Variants in ST7 observed in about 807,000 individuals in gnomAD.
The protein encoded by ST7 is suppressor of tumorigenicity 7 protein.
ST7 carries 28 observed loss-of-function variants against 78.7 expected under a neutral mutation model. That is an observed-to-expected ratio of 0.36 (90% CI 0.26 to 0.49). The LOEUF (loss-of-function observed/expected upper bound fraction) is 0.49. ST7 is among the 20% of genes least tolerant of loss of function. The probability of loss-of-function intolerance (pLI) is 0.99; values close to 1 mark genes in which losing one functional copy is unlikely to be tolerated. For missense variants in ST7, 418 were observed against 696.0 expected, an observed-to-expected ratio of 0.60 and a Z score of 4.49; for synonymous variants, 247 against 249.6, an observed-to-expected ratio of 0.99 and a Z score of 0.10.
At chr7:117,188,306 A>G (rs541730247) in intron 10 of ST7, among the ~76,000 whole-genome samples, 1 of 152,238 alleles carries the variant, frequency 6.6e-6, no homozygotes, top group African/African-American at 2.4e-5. Flanking sequence ...TTGCAAAGAA[A>G]CTCGCAGGGC....
rs530811408 is a variant in ST7 at position 117,141,973 on chromosome 7, C to A, written c.963+3441C>A. On this transcript the variant is annotated intron_variant, in intron 9 of 15. Transcript: ENST00000323984. ...GCCTTGCATGCTGGCTTTTGAACAT[C>A]ACTGTAATGTAAGGTGTTATTTATT... Among the ~76,000 whole-genome samples the A allele has an allele frequency of 1.1e-3, 171 of 152,222 alleles. 1 individual carries two copies. Among genetic ancestry groups the A allele is most frequent in the African/African-American group, 4.0e-3 (165 of 41,548 alleles).
intron 1 of ST7, among the ~76,000 whole-genome samples, chr7:117,061,201 G>A (rs1035372940): frequency 5.9e-5 from 9 of 152,252 alleles, no homozygotes; most frequent in Admixed American, 3.9e-4. Context: ...ACAATTAAAA[G>A]GAGTTTTGGG....
chr7:117,130,815 T>C, intron 5 of ST7: 1 of 411,100 alleles, frequency 2.4e-6, no homozygotes. Flanking sequence ...CATAATAATT[T>C]GAATCATGAT....
chr7:117,057,995 G>A (rs571637033), intron 1 of ST7, among the ~76,000 whole-genome samples: 10 of 152,228 alleles, frequency 6.6e-5, no homozygotes, highest in Admixed American at 4.6e-4. Context: ...TGTTTCTTGT[G>A]TGGGGGCCAC....
At chr7:117,220,388 A>G (rs1276412410) in intron 14 of ST7, among the ~76,000 whole-genome samples, 1 of 152,236 alleles carries the variant, frequency 6.6e-6, no homozygotes, top group Non-Finnish European at 1.5e-5. Flanking sequence ...ATTTGATTTC[A>G]GAAATCCTCA....
intron 9 of ST7, among the ~76,000 whole-genome samples, chr7:117,139,787 A>G (rs946771791): frequency 3.3e-5 from 5 of 152,214 alleles, no homozygotes; most frequent in Non-Finnish European, 5.9e-5. Flanking sequence ...TATATGGTAT[A>G]AGTGCTAATT....
intron 9 of ST7, among the ~76,000 whole-genome samples, chr7:117,139,517 G>A (rs1308568208): frequency 6.6e-6 from 1 of 152,084 alleles, no homozygotes; most frequent in Non-Finnish European, 1.5e-5. Context: ...TTACTCTTTG[G>A]AGGAGGGAGC....
chr7:117,227,108 CT>C (rs1266683445), intron 15 of ST7, among the ~76,000 whole-genome samples: 3 of 152,194 alleles, frequency 2.0e-5, no homozygotes, highest in Non-Finnish European at 4.4e-5. Context: ...AAATAAAGGC[CT>C]TTATTTTAAG....
chr7:117,135,862 C>T (rs1227145812), intron 7 of ST7, among the ~76,000 whole-genome samples: 3 of 152,038 alleles, frequency 2.0e-5, no homozygotes, highest in African/African-American at 7.2e-5. Context: ...ACATGTGAGC[C>T]CCATGCTCTT....
intron 7 of ST7, among the ~76,000 whole-genome samples, chr7:117,134,542 C>T (rs1476636509): frequency 1.3e-5 from 2 of 152,014 alleles, no homozygotes; most frequent in African/African-American, 2.4e-5. Context: ...AGCAAGCAAG[C>T]TAGCCCCAAC....
chr7:117,089,099 T>G (rs1182008626), intron 1 of ST7, among the ~76,000 whole-genome samples: 1 of 152,258 alleles, frequency 6.6e-6, no homozygotes, highest in Non-Finnish European at 1.5e-5. Context: ...CATTCCTTTA[T>G]GCACACTCTG....
At chr7:117,075,631 C>T (rs566114668) in intron 1 of ST7, among the ~76,000 whole-genome samples, 1 of 152,248 alleles carries the variant, frequency 6.6e-6, no homozygotes, top group Non-Finnish European at 1.5e-5. Context: ...GAGGCCTGAA[C>T]CAGTGTGAAA....
In ST7 at chr7:117,202,905, G is replaced by T. The variant is rs540046124; in HGVS notation, c.1255-6882G>T. Among the ~76,000 whole-genome samples, 4 of 152,170 alleles carry T rather than the reference G, an allele frequency of 2.6e-5. No individual in the cohort carries two copies. In the South Asian group the frequency reaches 8.3e-4, roughly 32 times the overall value. On this transcript the variant is annotated intron_variant, in intron 12 of 15. Transcript: ENST00000323984. The stretch of plus-strand genomic sequence containing the variant: ...AGTATCTGCAGGGGATTGGTTCCAG[G>T]ACCCCTCACATATACCAAAATCTGC...
chr7:116,960,441 G>C (rs1032285674), intron 1 of ST7, among the ~76,000 whole-genome samples: 3 of 152,044 alleles, frequency 2.0e-5, no homozygotes, highest in African/African-American at 7.2e-5. Context: ...TGTCCCCCTC[G>C]GCCTCCCAGA....
chr7:116,989,275 C>T (rs1794321124), intron 1 of ST7, among the ~76,000 whole-genome samples: 1 of 152,198 alleles, frequency 6.6e-6, no homozygotes, highest in African/African-American at 2.4e-5. Flanking sequence ...TGCTCAGTAG[C>T]CATATGTAGC....
At chr7:117,129,686 G>GAAT (rs1229983896) in intron 3 of ST7, 107 bp from the exon 4 acceptor site, 6 of 874,776 alleles carry the variant, frequency 6.9e-6, no homozygotes, top group Non-Finnish European at 1.1e-5. Flanking sequence ...AAAGGGTAGT[G>GAAT]AATAGAATTA....
intron 1 of ST7, among the ~76,000 whole-genome samples, chr7:116,969,935 C>T (rs1287303598): frequency 6.6e-6 from 1 of 151,932 alleles, no homozygotes; most frequent in East Asian, 1.9e-4. Flanking sequence ...ATTAGCTGGG[C>T]GTGGTGGTGC....
intron 9 of ST7, among the ~76,000 whole-genome samples, chr7:117,148,280 T>G (rs964987159): frequency 2.0e-5 from 3 of 152,206 alleles, no homozygotes; most frequent in Admixed American, 2.0e-4. Context: ...CTCTTATATT[T>G]ATCTTCCTTG....
intron 1 of ST7, among the ~76,000 whole-genome samples, chr7:117,032,775 A>G (rs1796669766): frequency 1.3e-5 from 2 of 152,210 alleles, no homozygotes; most frequent in Admixed American, 1.3e-4. Context: ...ATAAAGCAGT[A>G]ATCCTCCAAC....
Sources: allele counts gnomAD v4.1 joint callset (sites outside exome capture counted in the v4.1 genomes callset), GRCh38; gene constraint gnomAD v4.1.1; transcripts MANE v1.5; gene names NCBI Gene and HGNC (gene_info 2026-07-23, HGNC 2026-07-21).